The following PDE10A variants were observed in gnomAD, a reference collection of about 807,000 sequenced individuals.
The protein encoded by PDE10A is phosphodiesterase 10A, also known as cAMP and cAMP-inhibited cGMP 3',5'-cyclic phosphodiesterase 10A.
A neutral mutation model predicts 97.7 loss-of-function variants in PDE10A; 39 were observed. The ratio of observed to expected loss-of-function variants is 0.40; its 90% CI spans 0.31 to 0.52. PDE10A has a LOEUF of 0.52. Among genes scored for constraint, PDE10A ranks in the 20% least tolerant of loss-of-function variants. PDE10A has a pLI of 0.56. For missense variants in PDE10A, 731 were observed against 1,047.8 expected (o/e 0.70, Z 4.17); for synonymous variants, 371 against 376.8 (o/e 0.98, Z 0.18).
At chr6:165,835,861 C>T (rs116972699) in intron 1 of PDE10A, among the ~76,000 whole-genome samples, 12 of 152,194 alleles carry the variant, frequency 7.9e-5, no homozygotes, top group South Asian at 2.1e-4. Flanking sequence ...AGTTGAGCCA[C>T]GATAAATTAT....
intron 18 of PDE10A, among the ~76,000 whole-genome samples, chr6:165,366,236 C>T (rs1177402116): frequency 6.6e-6 from 1 of 152,140 alleles, no homozygotes; most frequent in Non-Finnish European, 1.5e-5. Context: ...GCTTTCTTCA[C>T]AATAAGCTAA....
chr6:165,670,320 G>A (rs1790612298), intron 1 of PDE10A, among the ~76,000 whole-genome samples: 1 of 152,168 alleles, frequency 6.6e-6, no homozygotes, highest in Non-Finnish European at 1.5e-5. Flanking sequence ...GAGTCACAAA[G>A]AAACGCATTT....
At chr6:165,467,624 T>G (rs1778734724) in intron 3 of PDE10A, among the ~76,000 whole-genome samples, 1 of 152,218 alleles carries the variant, frequency 6.6e-6, no homozygotes, top group Non-Finnish European at 1.5e-5. Context: ...TGAAAGCTAC[T>G]GCTCCAAAAA....
Position 165,656,258 on chromosome 6 carries a change from T to TCTCA in PDE10A, c.865+5688_865+5689insTGAG, listed in dbSNP as rs1365414526. 3.0e-3 allele frequency among the ~76,000 whole-genome samples: 392 copies of TCTCA among 129,888 alleles called. 1 individual carries two copies. Among genetic ancestry groups the TCTCA allele is most frequent in the African/African-American group, 0.011 (363 of 32,026 alleles). The allele number at this position is 129,888 out of a possible 152,430, so 85.2% of individuals were successfully genotyped here. A position where few individuals can be genotyped will look rare whatever the true frequency, so the allele number is the denominator to read the frequency against. Reference sequence around the variant, plus strand: ...CCAACTCTCTCTCTCTCTCTCTCTCTCACACACACACACACACACACACAC... The same window carrying TCTCA: ...CCAACTCTCTCTCTCTCTCTCTCTCTCTCACACACACACACACACACACACACAC... On this transcript the variant is annotated intron_variant, in intron 1 of 21. Transcript: ENST00000539869.
intron 3 of PDE10A, among the ~76,000 whole-genome samples, chr6:165,460,950 C>T (rs895805936): frequency 6.6e-6 from 1 of 152,068 alleles, no homozygotes; most frequent in Admixed American, 6.6e-5. Flanking sequence ...TGATGGCGGC[C>T]GTTGTTAAGC....
chr6:165,704,348 C>T (rs905104351), intron 1 of PDE10A, among the ~76,000 whole-genome samples: 2 of 152,196 alleles, frequency 1.3e-5, no homozygotes, highest in Admixed American at 6.5e-5. Flanking sequence ...CAAACCCAAC[C>T]GGCAACACTG....
intron 8 of PDE10A, 75 bp downstream of exon 8, chr6:165,431,347 T>C: frequency 1.2e-6 from 1 of 866,312 alleles, no homozygotes; most frequent in Non-Finnish European, 1.8e-6. Context: ...TAACCTCTAT[T>C]CCGGTCTTCA....
rs775095710 is a variant in PDE10A, at chr6:165,661,952, C to G, written c.860G>C (p.Ser287Thr). ...ACGGGGAGCAGGCCACTTACTGGGG[C>G]TCAGGAAGCACTCGGTCAGCCTTCG... ...CFRRLTECFL[S>T]PSLTDEKVKA... is the part of the protein sequence containing the mutation. The change falls in exon 1 of 22, where the codon AGC becomes ACC. Residue 287 changes from serine (S) to threonine (T), a missense_variant. Physicochemically the swap from Ser to Thr is moderately conservative, Grantham distance 58. This residue lies in a region of PDE10A where 181 missense variants were observed against 159.1 expected (regional missense o/e 1.14). Coordinates refer to ENST00000539869, the MANE Select transcript of PDE10A (RefSeq NM_001385079.1). This position sits in a 1 kb window ranked among gnomAD's most constrained non-coding sequence, Gnocchi z 4.8. 5.7e-6 allele frequency: 6 copies of G among 1,057,500 alleles called. No homozygotes were observed. In the East Asian group the frequency reaches 1.6e-4, roughly 28 times the overall value. The allele number at this position is 1,057,500 out of a possible 1,614,324, so 65.5% of individuals were successfully genotyped here.
chr6:165,603,744 A>G (rs1205760735), intron 1 of PDE10A, among the ~76,000 whole-genome samples: 1 of 152,250 alleles, frequency 6.6e-6, no homozygotes, highest in Non-Finnish European at 1.5e-5. Context: ...AAATGGAGAG[A>G]AAGGGGGCAA....
chr6:165,538,245 G>A (rs184787448), intron 2 of PDE10A, among the ~76,000 whole-genome samples: 1 of 151,822 alleles, frequency 6.6e-6, no homozygotes, highest in African/African-American at 2.4e-5. Flanking sequence ...TACATTATTT[G>A]AGAAAAAAGA....
At chr6:165,680,495 A>G (rs1452873772) in intron 1 of PDE10A, among the ~76,000 whole-genome samples, 1 of 152,258 alleles carries the variant, frequency 6.6e-6, no homozygotes, top group Non-Finnish European at 1.5e-5. Flanking sequence ...GTTTATATAA[A>G]TTGACCTTGA....
At chr6:165,875,869 T>C (rs923613119) in intron 1 of PDE10A, among the ~76,000 whole-genome samples, 4 of 152,098 alleles carry the variant, frequency 2.6e-5, no homozygotes, top group East Asian at 1.9e-4. Flanking sequence ...GAGAAATTAA[T>C]TGTTTATGGG....
At chr6:165,925,504 T>G (rs1014817787) in intron 1 of PDE10A, among the ~76,000 whole-genome samples, 3 of 152,222 alleles carry the variant, frequency 2.0e-5, no homozygotes, top group African/African-American at 7.2e-5. Context: ...TATCTTTCAA[T>G]GGGTGAATGG....
chr6:165,495,211 A>G (rs1780467870), intron 2 of PDE10A, among the ~76,000 whole-genome samples: 1 of 152,192 alleles, frequency 6.6e-6, no homozygotes, highest in Admixed American at 6.5e-5. Flanking sequence ...ATCACAAACA[A>G]GAAAGCTTCT....
chr6:165,961,620 T>C (rs1351609738), intron 1 of PDE10A, among the ~76,000 whole-genome samples: 1 of 152,218 alleles, frequency 6.6e-6, no homozygotes, highest in East Asian at 1.9e-4. Context: ...TGGAAAGCTG[T>C]GCCATCACAG....
intron 18 of PDE10A, among the ~76,000 whole-genome samples, chr6:165,373,987 A>G (rs1172675279): frequency 2.0e-5 from 3 of 149,872 alleles, no homozygotes; most frequent in African/African-American, 7.4e-5. Context: ...AGGACAAAAA[A>G]CCAAACACCG....
chr6:165,818,084 A>T, intron 1 of PDE10A, among the ~76,000 whole-genome samples: 1 of 152,164 alleles, frequency 6.6e-6, no homozygotes, highest in East Asian at 1.9e-4. Flanking sequence ...CAGAACGCTC[A>T]ATTGTGATGA....
In PDE10A at chr6:165,815,675, T is replaced by C. The variant is rs531894990; in HGVS notation, c.-615+171854A>G. 4.6e-5 allele frequency among the ~76,000 whole-genome samples: 7 copies of C among 152,158 alleles called. No homozygotes were observed. The East Asian group carries it at 9.7e-4, about 21-fold the overall frequency. On this transcript the variant is annotated intron_variant, in intron 1 of 19. Transcript: ENST00000366882. Reference sequence around the variant, plus strand: ...TGCGATCTCATCTCTTTTTTTCTGGTTTTTCCCCCCATGGCTTCATAGAGG... The same window carrying C: ...TGCGATCTCATCTCTTTTTTTCTGGCTTTTCCCCCCATGGCTTCATAGAGG...
Position 165,392,802 on chromosome 6 carries a change from T to C in PDE10A, c.2304-6A>G, listed in dbSNP as rs1785823600. On this transcript the variant is annotated splice_region_variant and splice_polypyrimidine_tract_variant and intron_variant, in intron 15 of 21. Coordinates refer to ENST00000539869, the MANE Select transcript of PDE10A (RefSeq NM_001385079.1). ...ACAACTTTTCAAGCTCAAAGCTGCA[T>C]GGAAAAGAAATTGTTATGACTGAAA... The C allele has an allele frequency of 1.9e-6, 3 of 1,613,656 alleles. No homozygotes were observed. The highest frequency in any genetic ancestry group is 2.5e-6 in the Non-Finnish European group (3 of 1,179,718).
Sources: allele counts gnomAD v4.1 joint callset (sites outside exome capture counted in the v4.1 genomes callset), GRCh38; gene constraint gnomAD v4.1.1; regional missense constraint gnomAD v4.1.1; non-coding constraint Gnocchi (gnomAD v3.1); transcripts MANE v1.5; gene names NCBI Gene and HGNC (gene_info 2026-07-23, HGNC 2026-07-21).